Variants in TENM3 observed in about 807,000 individuals in gnomAD.
TENM3 encodes teneurin transmembrane protein 3.
TENM3 carries 63 observed loss-of-function variants against 255.1 expected under a neutral mutation model. The observed-to-expected ratio is 0.25, with a 90% CI of 0.20 to 0.30. TENM3 has a LOEUF of 0.30. Ranked by LOEUF, TENM3 falls within the 10% of genes least tolerant of loss-of-function variation. TENM3 has a pLI of 1.00. For missense variants in TENM3, 2,929 were observed against 3,461.1 expected, an observed-to-expected ratio of 0.85 and a Z score of 3.86; for synonymous variants, 1,306 against 1,322.3, an observed-to-expected ratio of 0.99 and a Z score of 0.27.
chr4:181,857,042 C>A, the TENM3 span, among the ~76,000 whole-genome samples: 9 of 152,166 alleles, frequency 5.9e-5, no homozygotes, highest in Non-Finnish European at 1.2e-4. Flanking sequence ...AGAAAAGATA[C>A]TAAGCTCCAT....
chr4:182,212,515 C>A (rs1755119862), intron 1 of TENM3, among the ~76,000 whole-genome samples: 1 of 109,372 alleles, frequency 9.1e-6, no homozygotes, highest in South Asian at 2.9e-4. Flanking sequence ...TTTATCTCAG[C>A]TACTTAAAAA....
chr4:182,497,851 TA>T (rs1735936511), intron 3 of TENM3, among the ~76,000 whole-genome samples: 1 of 11,480 alleles, frequency 8.7e-5, no homozygotes, highest in Non-Finnish European at 9.8e-4. Flanking sequence ...AAAATACATA[TA>T]TATATATATA....
At chr4:181,744,279 G>A in the TENM3 span, among the ~76,000 whole-genome samples, 5,549 of 152,176 alleles carry the variant, frequency 0.036, 154 homozygotes, top group Middle Eastern at 0.11. Flanking sequence ...GTGCGTCAAC[G>A]AACATACCCA....
the TENM3 span, among the ~76,000 whole-genome samples, chr4:181,810,759 C>A: frequency 6.6e-6 from 1 of 152,036 alleles, no homozygotes; most frequent in Non-Finnish European, 1.5e-5. Context: ...GACGTTACTT[C>A]CTCAAGTCAG....
At chr4:182,518,880 C>A (rs1239531596) in intron 3 of TENM3, among the ~76,000 whole-genome samples, 1 of 152,098 alleles carries the variant, frequency 6.6e-6, no homozygotes, top group African/African-American at 2.4e-5. Context: ...CTGAGAATCC[C>A]AAACCTATTA....
At chr4:182,422,683 C>T (rs2151145536) in intron 3 of TENM3, among the ~76,000 whole-genome samples, 1 of 152,206 alleles carries the variant, frequency 6.6e-6, no homozygotes, top group African/African-American at 2.4e-5. Context: ...TGGGATCAAC[C>T]TTTGGGAAAG....
chr4:182,572,046 C>A (rs994682299), intron 3 of TENM3, among the ~76,000 whole-genome samples: 16 of 152,108 alleles, frequency 1.1e-4, no homozygotes, highest in Non-Finnish European at 2.4e-4. Context: ...GGACTACAGG[C>A]GCCTGCCACC....
At chr4:182,602,520 G>A (rs1468820343) in intron 4 of TENM3, among the ~76,000 whole-genome samples, 1 of 152,172 alleles carries the variant, frequency 6.6e-6, no homozygotes, top group Non-Finnish European at 1.5e-5. Flanking sequence ...AAGTCTTTCT[G>A]TGTTTTCTTT....
chr4:182,675,903 C>T (rs925587948), intron 7 of TENM3, among the ~76,000 whole-genome samples: 1 of 152,174 alleles, frequency 6.6e-6, no homozygotes, highest in South Asian at 2.1e-4. Context: ...TATTTAAACA[C>T]AATACATGTG....
At chr4:182,276,593 A>G (rs1385755021) in intron 1 of TENM3, among the ~76,000 whole-genome samples, 2 of 152,338 alleles carry the variant, frequency 1.3e-5, no homozygotes, top group Non-Finnish European at 2.9e-5. Context: ...TTCCCACTGA[A>G]CGTGAACTAA....
chr4:182,482,854 A>G (rs1734328757), intron 3 of TENM3, among the ~76,000 whole-genome samples: 1 of 152,208 alleles, frequency 6.6e-6, no homozygotes, highest in Non-Finnish European at 1.5e-5. Context: ...CATTAAAATT[A>G]AAAAGATCCA....
the TENM3 span, among the ~76,000 whole-genome samples, chr4:181,904,559 A>G: frequency 6.6e-6 from 1 of 152,208 alleles, no homozygotes; most frequent in South Asian, 2.1e-4. Flanking sequence ...GTGTTTATGT[A>G]TGGCCTATAA....
chr4:181,695,087 A>G, the TENM3 span, among the ~76,000 whole-genome samples: 2 of 152,302 alleles, frequency 1.3e-5, no homozygotes, highest in South Asian at 4.1e-4. Flanking sequence ...GTGGTTTCTT[A>G]TCATTCTGTT....
At chr4:182,697,327 G>A (rs1252656520) in intron 12 of TENM3, among the ~76,000 whole-genome samples, 1 of 152,146 alleles carries the variant, frequency 6.6e-6, no homozygotes, top group Non-Finnish European at 1.5e-5. Context: ...CTCATGATCT[G>A]TCATTCACAG....
the TENM3 span, among the ~76,000 whole-genome samples, chr4:181,630,557 T>C: frequency 7.2e-5 from 11 of 152,324 alleles, no homozygotes; most frequent in Middle Eastern, 6.8e-3. Context: ...CTCATTGGTT[T>C]CAAAGAACAT....
chr4:181,827,301 T>C, the TENM3 span, among the ~76,000 whole-genome samples: 1 of 152,186 alleles, frequency 6.6e-6, no homozygotes, highest in Non-Finnish European at 1.5e-5. Context: ...GTAAGATTTT[T>C]CCCTCTCCCT....
the TENM3 span, among the ~76,000 whole-genome samples, chr4:181,847,236 C>T: frequency 8.5e-5 from 13 of 152,222 alleles, no homozygotes; most frequent in Admixed American, 7.9e-4. Context: ...CACAGCTTTA[C>T]ACACCTAAAC....
the TENM3 span, among the ~76,000 whole-genome samples, chr4:181,730,307 G>C: frequency 6.6e-6 from 1 of 152,188 alleles, no homozygotes; most frequent in African/African-American, 2.4e-5. Flanking sequence ...TCTCTAGAAG[G>C]TGGCTGAAAG....
intron 3 of TENM3, among the ~76,000 whole-genome samples, chr4:182,398,867 GA>G (rs921240632): frequency 1.3e-5 from 2 of 152,290 alleles, no homozygotes; most frequent in African/African-American, 4.8e-5. Flanking sequence ...CAGAAGACCT[GA>G]ACTGTGATTT....
Sources: gnomAD v4.1 joint callset for allele counts (sites outside exome capture counted in the v4.1 genomes callset) on GRCh38, gnomAD v4.1.1 for gene constraint, MANE v1.5 for transcripts, NCBI Gene and HGNC (gene_info 2026-07-23, HGNC 2026-07-21) for gene names.